The following LINGO2 variants were observed in gnomAD, a reference collection of about 807,000 sequenced individuals.
The protein encoded by LINGO2 is leucine-rich repeat and immunoglobulin-like domain-containing nogo receptor-interacting protein 2.
A neutral mutation model predicts 30.6 loss-of-function variants in LINGO2; 14 were observed. The observed-to-expected ratio is 0.46, with a 90% CI of 0.30 to 0.72. The LOEUF (loss-of-function observed/expected upper bound fraction) is 0.72, where lower values mean the gene tolerates loss of function less well. Ranked by LOEUF, LINGO2 falls within the 30% of genes least tolerant of loss-of-function variation. The probability of loss-of-function intolerance (pLI) is 0.07; values close to 1 mark genes in which losing one functional copy is unlikely to be tolerated. For missense variants in LINGO2, 729 were observed against 751.7 expected, an observed-to-expected ratio of 0.97 and a Z score of 0.35; for synonymous variants, 317 against 288.5, an observed-to-expected ratio of 1.10 and a Z score of -1.00.
At chr9:28,261,524 A>G (rs73429568) in intron 4 of LINGO2, among the ~76,000 whole-genome samples, 6,766 of 151,990 alleles carry the variant, frequency 0.045, 488 homozygotes, top group African/African-American at 0.15. Context: ...AACAAATAAA[A>G]AATAAATTTG....
At chr9:28,453,001 A>T (rs185098772) in intron 2 of LINGO2, among the ~76,000 whole-genome samples, 182 of 152,078 alleles carry the variant, frequency 1.2e-3, no homozygotes, top group Admixed American at 6.2e-3. Flanking sequence ...AAAATTGGGA[A>T]AAGTTTAGAC....
the LINGO2 span, among the ~76,000 whole-genome samples, chr9:28,707,998 G>T: frequency 6.6e-6 from 1 of 152,050 alleles, no homozygotes; most frequent in African/African-American, 2.4e-5. Context: ...GAAATAAGAA[G>T]GTGGGAATAA....
chr9:29,085,080 A>G, the LINGO2 span, among the ~76,000 whole-genome samples: 1 of 151,866 alleles, frequency 6.6e-6, no homozygotes, highest in Admixed American at 6.6e-5. Context: ...TACAAAATTT[A>G]TTGTAACAAC....
At chr9:29,158,285 G>GCTGGCT in the LINGO2 span, among the ~76,000 whole-genome samples, 339 of 152,136 alleles carry the variant, frequency 2.2e-3, 1 homozygote, top group African/African-American at 7.8e-3. Flanking sequence ...GAGCCCAGGA[G>GCTGGCT]GTCAAGGCTA....
chr9:28,265,210 T>C lies in LINGO2; in HGVS notation c.-87+29998A>G, dbSNP rs529666103. 4.6e-5 allele frequency among the ~76,000 whole-genome samples: 7 copies of C among 151,750 alleles called. No individual in the cohort carries two copies. The South Asian group carries it at 1.5e-3, about 31-fold the overall frequency. The stretch of plus-strand genomic sequence containing the variant: ...ACACGCACACACTCATATATCTTAC[T>C]GGTTTTGTTTCCCTGGACAACCCTG... On this transcript the variant is annotated intron_variant, in intron 4 of 5. Transcript: ENST00000379992.
intron 1 of LINGO2, among the ~76,000 whole-genome samples, chr9:28,594,629 A>G (rs969662392): frequency 2.0e-5 from 3 of 152,106 alleles, no homozygotes; most frequent in Non-Finnish European, 4.4e-5. Context: ...TATAAGGCGC[A>G]CTATTTCACA....
chr9:28,402,371 A>C (rs1289171996), intron 2 of LINGO2, among the ~76,000 whole-genome samples: 1 of 152,216 alleles, frequency 6.6e-6, no homozygotes, highest in African/African-American at 2.4e-5. Context: ...TTATATATAA[A>C]TCTAATGCAG....
chr9:28,875,827 A>T, the LINGO2 span, among the ~76,000 whole-genome samples: 1 of 152,146 alleles, frequency 6.6e-6, no homozygotes, highest in Non-Finnish European at 1.5e-5. Flanking sequence ...GTGTTTTAAC[A>T]TACCTCTGGT....
intron 1 of LINGO2, among the ~76,000 whole-genome samples, chr9:28,581,081 A>C (rs1331305035): frequency 6.6e-6 from 1 of 152,028 alleles, no homozygotes; most frequent in East Asian, 1.9e-4. Flanking sequence ...GATGCTATCT[A>C]ACCAGTAGTG....
chr9:28,997,282 C>T, the LINGO2 span, among the ~76,000 whole-genome samples: 1 of 151,832 alleles, frequency 6.6e-6, no homozygotes, highest in Non-Finnish European at 1.5e-5. Flanking sequence ...AATAAAATAA[C>T]ATAAAATAAT....
chr9:29,109,052 G>A, the LINGO2 span, among the ~76,000 whole-genome samples: 1 of 152,084 alleles, frequency 6.6e-6, no homozygotes, highest in Non-Finnish European at 1.5e-5. Context: ...ATATAAAATT[G>A]AATGCAAATC....
the LINGO2 span, among the ~76,000 whole-genome samples, chr9:28,820,174 G>GT: frequency 1.3e-5 from 2 of 150,720 alleles, no homozygotes; most frequent in Non-Finnish European, 2.9e-5. Context: ...ACCAAAATGA[G>GT]TTTTTTCCTG....
the LINGO2 span, among the ~76,000 whole-genome samples, chr9:28,989,685 AC>A: frequency 6.6e-6 from 1 of 152,348 alleles, no homozygotes; most frequent in African/African-American, 2.4e-5. Context: ...ATTTATTATT[AC>A]AAAGAATACA....
At chr9:27,998,630 A>T (rs1821787530) in intron 5 of LINGO2, among the ~76,000 whole-genome samples, 1 of 152,138 alleles carries the variant, frequency 6.6e-6, no homozygotes, top group Admixed American at 6.5e-5. Flanking sequence ...AATGAAAAAG[A>T]AGTAGCTGTG....
At chr9:28,087,458 T>C (rs1825947570) in intron 4 of LINGO2, among the ~76,000 whole-genome samples, 1 of 152,100 alleles carries the variant, frequency 6.6e-6, no homozygotes, top group South Asian at 2.1e-4. Context: ...TAAGCAGAAA[T>C]ATAAGTAAAA....
chr9:28,589,359 T>C (rs1254495155), intron 1 of LINGO2, among the ~76,000 whole-genome samples: 2 of 152,114 alleles, frequency 1.3e-5, no homozygotes, highest in African/African-American at 4.8e-5. Context: ...GGAAGTCAAG[T>C]TGTCTCTGTT....
At chr9:28,537,491 G>C (rs932370264) in intron 1 of LINGO2, among the ~76,000 whole-genome samples, 1 of 151,632 alleles carries the variant, frequency 6.6e-6, no homozygotes, top group African/African-American at 2.4e-5. Context: ...TGGTAAACAA[G>C]GTTGCTAAAA....
the LINGO2 span, among the ~76,000 whole-genome samples, chr9:29,009,269 G>T: frequency 2.6e-5 from 4 of 152,122 alleles, no homozygotes; most frequent in Non-Finnish European, 4.4e-5. Context: ...TGACATGATT[G>T]TATATTTAGA....
chr9:28,796,179 A>T, the LINGO2 span, among the ~76,000 whole-genome samples: 3 of 152,124 alleles, frequency 2.0e-5, no homozygotes, highest in Non-Finnish European at 4.4e-5. Flanking sequence ...TGATTTATTG[A>T]TAAATTAGAC....
Sources: allele counts gnomAD v4.1 joint callset (sites outside exome capture counted in the v4.1 genomes callset), GRCh38; gene constraint gnomAD v4.1.1; transcripts MANE v1.5; gene names NCBI Gene and HGNC (gene_info 2026-07-23, HGNC 2026-07-21).